The following SLCO1B3 variants were observed in gnomAD, a reference collection of about 807,000 sequenced individuals.
SLCO1B3 encodes liver-specific organic anion transporter 2.
Under a neutral mutation model 71.8 loss-of-function variants are expected in SLCO1B3, and 72 were observed. The ratio of observed to expected loss-of-function variants is 1.00; its 90% CI spans 0.83 to 1.22. SLCO1B3 has a LOEUF of 1.22. SLCO1B3 is among the 50% of genes most tolerant of loss of function. The pLI is 0.00. For missense variants in SLCO1B3, 911 were observed against 819.7 expected (o/e 1.11, Z -1.36); for synonymous variants, 298 against 278.4 (o/e 1.07, Z -0.70).
chr12:20,843,764 G>GA (rs892532995), intron 3 of SLCO1B3, among the ~76,000 whole-genome samples: 1 of 150,412 alleles, frequency 6.6e-6, no homozygotes, highest in Non-Finnish European at 1.5e-5. Flanking sequence ...CTGGGCAACA[G>GA]AGTGAGACTC....
intron 13 of SLCO1B3, among the ~76,000 whole-genome samples, chr12:20,889,542 T>G (rs768416976): frequency 9.9e-5 from 15 of 152,084 alleles, no homozygotes; most frequent in Admixed American, 6.6e-5. Flanking sequence ...GGTAATAGTT[T>G]TAATGACACC....
At chr12:20,858,407 G>A (rs77895491) in intron 4 of SLCO1B3, 32 bp from the exon 5 acceptor site, 1 of 1,471,688 alleles carries the variant, frequency 6.8e-7, no homozygotes, top group South Asian at 1.1e-5. Context: ...ATTACACTAA[G>A]TCATATCAAC....
chr12:20,847,971 T>TAAC (rs1271741850), intron 3 of SLCO1B3, among the ~76,000 whole-genome samples: 6 of 152,010 alleles, frequency 3.9e-5, no homozygotes, highest in African/African-American at 1.4e-4. Context: ...AAAGTCAAAA[T>TAAC]AATAATAATA....
At chr12:20,872,541 A>G (rs1865494656) in intron 8 of SLCO1B3, among the ~76,000 whole-genome samples, 1 of 151,962 alleles carries the variant, frequency 6.6e-6, no homozygotes, top group African/African-American at 2.4e-5. Flanking sequence ...GTGCTTGGTC[A>G]CACCTGAAGT....
intron 15 of SLCO1B3, among the ~76,000 whole-genome samples, chr12:20,912,809 A>C (rs955914885): frequency 2.1e-5 from 3 of 145,776 alleles, no homozygotes; most frequent in Non-Finnish European, 4.5e-5. Flanking sequence ...GGTGTGAGCC[A>C]CTGCGCCCAG....
chr12:20,905,991 A>G (rs952718890), intron 15 of SLCO1B3, among the ~76,000 whole-genome samples: 1 of 152,154 alleles, frequency 6.6e-6, no homozygotes. Flanking sequence ...GGAGAGAGAA[A>G]GTGTAAAAAG....
At chr12:20,865,270 T>A (rs1168825456) in intron 8 of SLCO1B3, among the ~76,000 whole-genome samples, 1 of 152,130 alleles carries the variant, frequency 6.6e-6, no homozygotes, top group African/African-American at 2.4e-5. Context: ...TCTGCCTGAG[T>A]TGTTGATTAT....
chr12:20,818,041 A>G (rs1864223399), intron 3 of SLCO1B3, among the ~76,000 whole-genome samples: 1 of 152,104 alleles, frequency 6.6e-6, no homozygotes, highest in Non-Finnish European at 1.5e-5. Context: ...ATGACTAGAC[A>G]GAAGATAGTA....
intron 14 of SLCO1B3, among the ~76,000 whole-genome samples, chr12:20,899,677 C>T (rs1307113247): frequency 6.6e-6 from 1 of 152,136 alleles, no homozygotes; most frequent in Non-Finnish European, 1.5e-5. Flanking sequence ...GAGACGATAC[C>T]TCACTCCTGG....
At chr12:20,901,975 T>C (rs1385802669) in intron 15 of SLCO1B3, 7 of 405,222 alleles carry the variant, frequency 1.7e-5, no homozygotes, top group Non-Finnish European at 3.3e-5. Context: ...AATTGTACCT[T>C]ACCTCTTATA....
At chr12:20,914,146 T>A (rs1206903672) in intron 15 of SLCO1B3, among the ~76,000 whole-genome samples, 1 of 152,184 alleles carries the variant, frequency 6.6e-6, no homozygotes, top group Non-Finnish European at 1.5e-5. Context: ...CTGACGATAT[T>A]TGTTACTATT....
At chr12:20,833,325 G>C (rs527482578) in intron 3 of SLCO1B3, among the ~76,000 whole-genome samples, 9 of 151,658 alleles carry the variant, frequency 5.9e-5, no homozygotes, top group Admixed American at 4.0e-4. Context: ...TTAGGACCTG[G>C]ATGTCTTTAA....
At chr12:20,814,293 T>G (rs981553741) in intron 2 of SLCO1B3, among the ~76,000 whole-genome samples, 3 of 152,156 alleles carry the variant, frequency 2.0e-5, no homozygotes, top group African/African-American at 7.2e-5. Flanking sequence ...AACTTATGAT[T>G]TCTCATATAC....
chr12:20,875,238 C>T lies in SLCO1B3; in HGVS notation c.731C>T (p.Thr244Ile), dbSNP rs1361523872. The change falls in exon 9 of 16, where the codon ACT (threonine) becomes ATT (isoleucine). Residue 244 changes from threonine to isoleucine, a missense_variant. Transcript: ENST00000381545. The stretch of plus-strand genomic sequence containing the variant: ...TTCTTTTAACTGTTTCTCCTAGGCA[C>T]TATCAGAATAACTCCTAAGGACTCT... ...YVDIGYVDLS[T>I]IRITPKDSRW... 6.2e-7 allele frequency: 1 copy of T among 1,612,270 alleles called. No homozygotes were observed. Among genetic ancestry groups the T allele is most frequent in the East Asian group, 2.2e-5 (1 of 44,858 alleles).
intron 3 of SLCO1B3, among the ~76,000 whole-genome samples, chr12:20,833,403 A>T (rs1247251828): frequency 4.0e-5 from 6 of 150,358 alleles, no homozygotes; most frequent in Admixed American, 3.3e-4. Flanking sequence ...ATATATATGA[A>T]GAATACATAT....
In SLCO1B3 at chr12:20,818,781, A is replaced by C. The variant is rs149786178; in HGVS notation, c.84+2959A>C. 4.2e-3 allele frequency among the ~76,000 whole-genome samples: 636 copies of C among 152,330 alleles called. 6 individuals carry two copies. The highest frequency in any genetic ancestry group is 0.04 in the East Asian group (207 of 5,174). Reference sequence around the variant, plus strand: ...TGCCATCAATAAATCAAGCGTGATCAGGGTGAGAAACAGGGACGAAGGAAA... The same window carrying C: ...TGCCATCAATAAATCAAGCGTGATCCGGGTGAGAAACAGGGACGAAGGAAA... On this transcript the variant is annotated intron_variant, in intron 3 of 15. Transcript: ENST00000381545.
At chr12:20,811,188 G>C (rs1393334307) in intron 1 of SLCO1B3, among the ~76,000 whole-genome samples, 1 of 152,072 alleles carries the variant, frequency 6.6e-6, no homozygotes, top group African/African-American at 2.4e-5. Context: ...GGAGTGGGCG[G>C]GTGGAGGGGT....
In SLCO1B3 at chr12:20,841,229, T is replaced by C. The variant is rs983073447; in HGVS notation, c.85-13799T>C. Among the ~76,000 whole-genome samples the C allele has an allele frequency of 3.9e-5, 6 of 152,312 alleles. No individual in the cohort carries two copies. In the South Asian group the frequency reaches 6.2e-4, roughly 16 times the overall value. On this transcript the variant is annotated intron_variant, in intron 3 of 15. Transcript: ENST00000381545. Reference sequence around the variant, plus strand: ...TTGCCACATGTCCTCATCTCTTTTATGGATCCAAGAATCATTGCTTTTTCA... The same window carrying C: ...TTGCCACATGTCCTCATCTCTTTTACGGATCCAAGAATCATTGCTTTTTCA...
intron 9 of SLCO1B3, 33 bp from the exon 10 acceptor site, chr12:20,877,739 T>C: frequency 1.0e-6 from 1 of 955,392 alleles, no homozygotes; most frequent in Non-Finnish European, 1.4e-6. Context: ...ATATATTTTA[T>C]TATTGAAATA....
Sources: allele counts gnomAD v4.1 joint callset (sites outside exome capture counted in the v4.1 genomes callset), GRCh38; gene constraint gnomAD v4.1.1; transcripts MANE v1.5; gene names NCBI Gene and HGNC (gene_info 2026-07-23, HGNC 2026-07-21).